PARP8: variants seen among roughly 807,000 people sequenced by gnomAD.
PARP8 encodes poly(ADP-ribose) polymerase family member 8, also known as protein mono-ADP-ribosyltransferase PARP8.
Under a neutral mutation model 124.1 loss-of-function variants are expected in PARP8, and 51 were observed. That is an observed-to-expected ratio of 0.41 (90% CI 0.33 to 0.52). PARP8 has a LOEUF of 0.52. Among genes scored for constraint, PARP8 ranks in the 20% least tolerant of loss-of-function variants. PARP8 has a pLI of 0.21. For synonymous variants in PARP8, 391 were observed against 361.5 expected (o/e 1.08, Z -0.93); for missense variants, 860 against 1,018.9 (o/e 0.84, Z 2.12).
intron 2 of PARP8, among the ~76,000 whole-genome samples, chr5:50,711,266 A>G (rs916992110): frequency 6.6e-6 from 1 of 152,130 alleles, no homozygotes; most frequent in African/African-American, 2.4e-5. Flanking sequence ...TTTCCATGCA[A>G]AGGGAACACC....
intron 2 of PARP8, among the ~76,000 whole-genome samples, chr5:50,723,816 A>G (rs1248452711): frequency 6.6e-6 from 1 of 152,114 alleles, no homozygotes; most frequent in Non-Finnish European, 1.5e-5. Context: ...GGAAGGTGAG[A>G]ATTATTAAAA....
chr5:50,736,731 A>G (rs1757512175), intron 2 of PARP8, among the ~76,000 whole-genome samples: 1 of 152,138 alleles, frequency 6.6e-6, no homozygotes, highest in Admixed American at 6.5e-5. Flanking sequence ...AAAAACACCC[A>G]AGATCTTTTT....
At chr5:50,755,726 T>C (rs1363460806) in intron 3 of PARP8, among the ~76,000 whole-genome samples, 1 of 152,178 alleles carries the variant, frequency 6.6e-6, no homozygotes, top group African/African-American at 2.4e-5. Context: ...AGAAAGTCAT[T>C]GGTAGCTTGA....
chr5:50,760,337 C>T lies in PARP8; in HGVS notation c.320C>T (p.Ser107Phe). 6.5e-7 allele frequency: 1 copy of T among 1,530,650 alleles called. No homozygotes were observed. The highest frequency in any genetic ancestry group is 1.2e-5 in the South Asian group (1 of 84,158). The allele number at this position is 1,530,650 out of a possible 1,614,324, so 94.8% of individuals were successfully genotyped here. A position where few individuals can be genotyped will look rare whatever the true frequency, so the allele number is the denominator to read the frequency against. ...ATTAACTGTTGCTTATCCATAAAAT[C>T]CAAATTACAAAAGGAAAATGGGGAG... ...NDINCCLSIK[S>F]KLQKENGEES... The change falls in exon 5 of 26, where the codon TCC becomes TTC. Residue 107 changes from serine (S) to phenylalanine (F), a missense_variant. Transcript: ENST00000281631.
Position 50,828,372 on chromosome 5 carries a change from T to G in PARP8, c.2151T>G (p.Asn717Lys). Residue 717 changes from asparagine to lysine, a missense_variant, in exon 21 of 26, where the codon AAT becomes AAG. This residue lies in a region of PARP8 where 343 missense variants were observed against 474.7 expected (regional missense o/e 0.72). Transcript: ENST00000281631. Reference sequence around the variant, plus strand: ...GGAATGGTCTGGTTGTTGCTTCTAATACACGATTGCAGGTAGATTTTCTGA... The same window carrying G: ...GGAATGGTCTGGTTGTTGCTTCTAAGACACGATTGCAGGTAGATTTTCTGA... ...ILRNGLVVAS[N>K]TRLQLHGAMY... 1.2e-6 allele frequency: 2 copies of G among 1,612,836 alleles called. No homozygotes were observed. The highest frequency in any genetic ancestry group is 1.7e-6 in the Non-Finnish European group (2 of 1,178,942).
intron 2 of PARP8, among the ~76,000 whole-genome samples, chr5:50,680,923 T>C (rs1751219421): frequency 6.6e-6 from 1 of 152,128 alleles, no homozygotes; most frequent in Non-Finnish European, 1.5e-5. Context: ...GAAAATCACT[T>C]TTGTTACCCT....
chr5:50,814,294 A>G (rs190312), intron 14 of PARP8, among the ~76,000 whole-genome samples: 1 of 152,138 alleles, frequency 6.6e-6, no homozygotes, highest in African/African-American at 2.4e-5. Context: ...TACACAAAAA[A>G]ATTGGAGAAG....
chr5:50,827,831 T>C, intron 19 of PARP8, 113 bp from the exon 20 acceptor site: 1 of 744,244 alleles, frequency 1.3e-6, no homozygotes, highest in Non-Finnish European at 2.3e-6. Context: ...TAGTGGAAAA[T>C]TACTATAGTT....
chr5:50,806,217 G>A (rs1160886236), intron 14 of PARP8, among the ~76,000 whole-genome samples: 1 of 151,970 alleles, frequency 6.6e-6, no homozygotes, highest in Non-Finnish European at 1.5e-5. Flanking sequence ...TTTGTTCAGT[G>A]TTACTGTGCT....
chr5:50,835,257 T>C (rs1422681673), intron 25 of PARP8, among the ~76,000 whole-genome samples: 1 of 152,154 alleles, frequency 6.6e-6, no homozygotes, highest in Non-Finnish European at 1.5e-5. Context: ...AAAAACACCA[T>C]CTTAGTCAAG....
chr5:50,697,233 C>T (rs914858644), intron 2 of PARP8, among the ~76,000 whole-genome samples: 33 of 151,866 alleles, frequency 2.2e-4, no homozygotes, highest in Admixed American at 3.3e-4. Context: ...TCCAATCTGG[C>T]GACAGAGCGA....
At chr5:50,719,685 G>A (rs1755677828) in intron 2 of PARP8, among the ~76,000 whole-genome samples, 1 of 151,948 alleles carries the variant, frequency 6.6e-6, no homozygotes, top group Non-Finnish European at 1.5e-5. Flanking sequence ...AATATTGGCG[G>A]TGTTTTTGGC....
chr5:50,783,430 T>C (rs1266151756), intron 9 of PARP8, among the ~76,000 whole-genome samples: 1 of 152,194 alleles, frequency 6.6e-6, no homozygotes, highest in Non-Finnish European at 1.5e-5. Flanking sequence ...AAATGCATAG[T>C]GCTGTTAGAC....
At chr5:50,722,096 A>G (rs1755950395) in intron 2 of PARP8, among the ~76,000 whole-genome samples, 1 of 152,004 alleles carries the variant, frequency 6.6e-6, no homozygotes, top group South Asian at 2.1e-4. Context: ...TGAATGTTTT[A>G]TTATAATATT....
At chr5:50,786,872 A>G (rs1741316292) in intron 9 of PARP8, among the ~76,000 whole-genome samples, 1 of 152,150 alleles carries the variant, frequency 6.6e-6, no homozygotes, top group Non-Finnish European at 1.5e-5. Flanking sequence ...CCAAATTTAT[A>G]TCTTTAGTAC....
chr5:50,819,480 A>ACC (rs1745513134), intron 15 of PARP8, among the ~76,000 whole-genome samples: 1 of 101,652 alleles, frequency 9.8e-6, no homozygotes, highest in Admixed American at 1.6e-4. Context: ...TGCTCTTGTC[A>ACC]CCCAGGCTGG....
chr5:50,834,773 A>G (rs1747377479), intron 24 of PARP8, 158 bp from the exon 25 acceptor site: 6 of 681,542 alleles, frequency 8.8e-6, no homozygotes, highest in Admixed American at 6.6e-5. Context: ...GTTTTTATCT[A>G]TATTTCTTCA....
chr5:50,730,197 T>C (rs1756835164), intron 2 of PARP8, among the ~76,000 whole-genome samples: 2 of 152,026 alleles, frequency 1.3e-5, no homozygotes, highest in African/African-American at 4.8e-5. Context: ...TTGTCTAAAT[T>C]TTGTCAATTT....
At chr5:50,703,387 T>C (rs1487269774) in intron 2 of PARP8, among the ~76,000 whole-genome samples, 1 of 152,096 alleles carries the variant, frequency 6.6e-6, no homozygotes, top group East Asian at 1.9e-4. Flanking sequence ...AAGAAATAAT[T>C]TGTCTTCATC....
Sources: gnomAD v4.1 joint callset for allele counts (sites outside exome capture counted in the v4.1 genomes callset) on GRCh38, gnomAD v4.1.1 for gene constraint, gnomAD v4.1.1 regional missense constraint, MANE v1.5 for transcripts, NCBI Gene and HGNC (gene_info 2026-07-23, HGNC 2026-07-21) for gene names.